The following VSIG8 variants were observed in gnomAD, a reference collection of about 807,000 sequenced individuals.
VSIG8 encodes the protein V-set and immunoglobulin domain-containing protein 8.
In VSIG8, 32 loss-of-function variants were observed where a neutral mutation model predicts 42.6. The ratio of observed to expected loss-of-function variants is 0.75; its 90% CI spans 0.57 to 1.01. VSIG8 has a LOEUF of 1.01. Ranked by LOEUF, VSIG8 falls within the 50% of genes least tolerant of loss-of-function variation. VSIG8 has a pLI of 0.00. For synonymous variants in VSIG8, 290 were observed against 243.8 expected (o/e 1.19, Z -1.77); for missense variants, 529 against 558.0 (o/e 0.95, Z 0.52).
chr1:159,858,331 A>T, intron 2 of VSIG8, 40 bp from the exon 3 acceptor site: 1 of 1,607,028 alleles, frequency 6.2e-7, no homozygotes, highest in Non-Finnish European at 8.5e-7. Flanking sequence ...AAACAGGCAG[A>T]GCCAAGAAGG....
intron 1 of VSIG8, among the ~76,000 whole-genome samples, chr1:159,859,280 T>A (rs1360859356): frequency 6.6e-6 from 1 of 152,216 alleles, no homozygotes; most frequent in Non-Finnish European, 1.5e-5. Context: ...TCTGCTTATA[T>A]ATTTATATGA....
intron 6 of VSIG8, chr1:159,855,630 C>G (rs1648790101): frequency 1.0e-6 from 1 of 977,214 alleles, no homozygotes; most frequent in African/African-American, 1.8e-5. Context: ...AGCTTACAGT[C>G]TAGACAAGAC....
intron 4 of VSIG8, among the ~76,000 whole-genome samples, chr1:159,857,009 A>G (rs928757739): frequency 2.0e-5 from 3 of 152,164 alleles, no homozygotes; most frequent in African/African-American, 7.2e-5. Context: ...TCTTTGTTTG[A>G]CTGAATATTT....
chr1:159,859,877 G>A (rs984885444), intron 1 of VSIG8, among the ~76,000 whole-genome samples: 1 of 152,018 alleles, frequency 6.6e-6, no homozygotes, highest in Non-Finnish European at 1.5e-5. Context: ...CAGGATCCCA[G>A]GACCCAGGAG....
In VSIG8 at chr1:159,855,044, C is replaced by T; in HGVS notation, c.972-18G>A. The T allele has an allele frequency of 1.3e-6, 2 of 1,572,708 alleles. No homozygotes were observed. The highest frequency in any genetic ancestry group is 1.7e-6 in the Non-Finnish European group (2 of 1,160,000). On this transcript the variant is annotated intron_variant, in intron 6 of 6. Transcript: ENST00000368100. Reference sequence around the variant, plus strand: ...CGTCCTCTCTGTGGAAAACAACAGGCGGGCGGGTGAGCGGGCTGCTCCGCA... The same window carrying T: ...CGTCCTCTCTGTGGAAAACAACAGGTGGGCGGGTGAGCGGGCTGCTCCGCA...
chr1:159,862,202 G>C, intron 1 of VSIG8: 1 of 397,322 alleles, frequency 2.5e-6, no homozygotes, highest in East Asian at 3.7e-5. Context: ...AGCTTGCAGG[G>C]CACCTGCACA....
chr1:159,858,094 G>C lies in VSIG8; in HGVS notation c.426C>G (p.Val142=). Residue 142 remains valine (V), a synonymous_variant, in exon 3 of 7, where the codon GTC becomes GTG. Coordinates refer to ENST00000368100, the MANE Select transcript of VSIG8 (RefSeq NM_001013661.1). ...TMATRKVIVT[V]QARPAVPMCW... is the part of the protein sequence containing the mutation. ...CTTAGAGGAGTCTGGCCATACCTTG[G>C]ACAGTGACAATGACCTTCCGGGTGG... is the stretch of plus-strand genomic sequence containing the variant. 1 of 1,614,214 alleles carries C rather than the reference G, an allele frequency of 6.2e-7. No homozygotes were observed. The highest frequency in any genetic ancestry group is 8.5e-7 in the Non-Finnish European group (1 of 1,180,032).
At position 159,854,971 on chromosome 1, in the gene VSIG8, G is replaced by T; in HGVS notation, c.1027C>A (p.His343Asn). The part of the protein sequence containing the change: ...KASGRGSRVT[H>N]LLGYPTQNVS... ...TTCTGCGTCGGGTACCCCAGGAGGT[G>T]GGTGACGCGGCTGCCGCGCCCGCTG... Residue 343 changes from histidine (H) to asparagine (N), a missense_variant, in exon 7 of 7, where the codon CAC (histidine) becomes AAC (asparagine). Transcript: ENST00000368100. 6.4e-7 allele frequency: 1 copy of T among 1,551,960 alleles called. No individual in the cohort carries two copies.
intron 1 of VSIG8, 149 bp downstream of exon 1, chr1:159,862,324 A>C: frequency 1.3e-6 from 1 of 746,480 alleles, no homozygotes. Flanking sequence ...TCCCCTGGTA[A>C]TACCCACACC....
intron 1 of VSIG8, 97 bp from the exon 2 acceptor site, chr1:159,859,009 C>T (rs932794718): frequency 7.5e-7 from 1 of 1,329,642 alleles, no homozygotes; most frequent in Non-Finnish European, 1.0e-6. Context: ...CTGTCCACGG[C>T]ACCCAGAGGT....
chr1:159,857,683 C>A, intron 4 of VSIG8, 62 bp downstream of exon 4: 1 of 1,427,372 alleles, frequency 7.0e-7, no homozygotes. Context: ...GAAACCCCAA[C>A]AGGTCCCAGA....
Position 159,859,022 on chromosome 1 carries a change from G to T in VSIG8, c.50-110C>A, listed in dbSNP as rs375611899. 6 of 1,188,388 alleles carry T rather than the reference G, an allele frequency of 5.0e-6. No individual in the cohort carries two copies. In the East Asian group the frequency reaches 1.5e-4, roughly 29 times the overall value. 73.6% of individuals were successfully genotyped at this position (1,188,388 alleles called of 1,614,324 possible). Reference sequence around the variant, plus strand: ...CTCTGTCCACGGCACCCAGAGGTCAGCAGTGCTTTCATAAAAAGGAGGGCT... The same window carrying T: ...CTCTGTCCACGGCACCCAGAGGTCATCAGTGCTTTCATAAAAAGGAGGGCT... On this transcript the variant is annotated intron_variant, in intron 1 of 6. Coordinates refer to ENST00000368100, the MANE Select transcript of VSIG8 (RefSeq NM_001013661.1).
At chr1:159,858,615 A>C (rs993105830) in intron 2 of VSIG8, 119 bp downstream of exon 2, 45 of 1,183,842 alleles carry the variant, frequency 3.8e-5, no homozygotes, top group Admixed American at 1.9e-4. Flanking sequence ...CCATTGCCTC[A>C]TTCCCTGAAA....
intron 6 of VSIG8, chr1:159,855,384 G>T: frequency 1.4e-6 from 2 of 1,432,936 alleles, no homozygotes; most frequent in Admixed American, 2.8e-5. Flanking sequence ...GACCTTGCTC[G>T]AGCAATCTCT....
Position 159,854,384 on chromosome 1 carries a change from A to C in VSIG8, c.*369T>G. On this transcript the variant is annotated 3_prime_UTR_variant, in exon 7 of 7. Transcript: ENST00000368100. ...GAGCTCAGACCTCACACACAGAACA[A>C]TTCGTCCAGACAGACCCCCACCCAC... The C allele has an allele frequency of 4.1e-6, 1 of 245,130 alleles. No homozygotes were observed. Among genetic ancestry groups the C allele is most frequent in the Non-Finnish European group, 7.8e-6 (1 of 128,368 alleles). The allele number at this position is 245,130 out of a possible 1,614,324, so 15.2% of individuals were successfully genotyped here.
chr1:159,854,592 C>T lies in VSIG8; in HGVS notation c.*161G>A. On this transcript the variant is annotated 3_prime_UTR_variant, in exon 7 of 7. Transcript: ENST00000368100. ...CCTTCCCACTTTTGGGGAGGAGGCT[C>T]TGCCTCCCTACGCATTTCCTTAGGG... is the stretch of plus-strand genomic sequence containing the variant. 7.9e-7 allele frequency: 1 copy of T among 1,267,510 alleles called. No individual in the cohort carries two copies. The highest frequency in any genetic ancestry group is 3.2e-5 in the East Asian group (1 of 31,482). The allele number at this position is 1,267,510 out of a possible 1,614,324, so 78.5% of individuals were successfully genotyped here.
intron 1 of VSIG8, among the ~76,000 whole-genome samples, chr1:159,859,224 C>T (rs2494505): frequency 0.66 from 100,569 of 152,052 alleles, 33,742 homozygotes; most frequent in Admixed American, 0.77. Context: ...TTTGTGGCTG[C>T]TTATGTGTAC....
intron 4 of VSIG8, among the ~76,000 whole-genome samples, chr1:159,857,349 G>A (rs542742373): frequency 6.6e-6 from 1 of 152,172 alleles, no homozygotes; most frequent in Non-Finnish European, 1.5e-5. Flanking sequence ...CAAGGCGGGC[G>A]GATCGCCTGA....
At chr1:159,855,659 G>A in intron 6 of VSIG8, 6 of 961,970 alleles carry the variant, frequency 6.2e-6, no homozygotes, top group African/African-American at 1.8e-5. Flanking sequence ...GCGTAGGCAG[G>A]AGGGAAATGG....
Sources: allele counts gnomAD v4.1 joint callset (sites outside exome capture counted in the v4.1 genomes callset), GRCh38; gene constraint gnomAD v4.1.1; transcripts MANE v1.5; gene names NCBI Gene and HGNC (gene_info 2026-07-23, HGNC 2026-07-21).